The following EFCC1 variants were observed in gnomAD, a reference collection of about 807,000 sequenced individuals.
EFCC1 encodes EF-hand and coiled-coil domain containing 1.
Under a neutral mutation model 52.1 loss-of-function variants are expected in EFCC1, and 50 were observed. That is an observed-to-expected ratio of 0.96 (90% CI 0.76 to 1.21). The LOEUF (loss-of-function observed/expected upper bound fraction) is 1.21. Among genes scored for constraint, EFCC1 ranks in the 50% most tolerant of loss-of-function variants. The pLI is 0.00. For missense variants in EFCC1, 837 were observed against 867.3 expected (o/e 0.97, Z 0.44); for synonymous variants, 399 against 396.5 (o/e 1.01, Z -0.08).
intron 2 of EFCC1, among the ~76,000 whole-genome samples, chr3:129,006,792 C>G (rs1228116140): frequency 6.6e-6 from 1 of 152,172 alleles, no homozygotes; most frequent in African/African-American, 2.4e-5. Context: ...AGAAACATGC[C>G]TTCAACCCTA....
rs186991071 is a variant in EFCC1, at chr3:129,021,635, G to A, written c.981-9068G>A. 7.9e-4 allele frequency among the ~76,000 whole-genome samples: 120 copies of A among 152,226 alleles called. 1 individual carries two copies. The highest frequency in any genetic ancestry group is 3.4e-3 in the Middle Eastern group (1 of 294). ...CCTTATGCTTGTACTGTGAGTCTGCGCGGGTATCTGTCTATTTATCAATCC... is the reference window on the plus strand; with the variant it reads ...CCTTATGCTTGTACTGTGAGTCTGCACGGGTATCTGTCTATTTATCAATCC... On this transcript the variant is annotated intron_variant, in intron 2 of 7. Transcript: ENST00000683648.
In EFCC1 at chr3:129,002,003, C is replaced by G; in HGVS notation, c.375C>G (p.Thr125=). The change falls in exon 1 of 8, where the codon ACC becomes ACG. Residue 125 remains threonine, a synonymous_variant. Transcript: ENST00000683648. ...TGGCCACGGACGGGGACTCAGATAC[C>G]GATGAAGAGGCGCGCCTGGCGCTGC... ...AELATDGDSD[T]DEEARLALRA... The G allele has an allele frequency of 6.5e-7, 1 of 1,545,848 alleles. No homozygotes were observed. Among genetic ancestry groups the G allele is most frequent in the Non-Finnish European group, 8.7e-7 (1 of 1,145,200 alleles).
In EFCC1 at chr3:129,030,702, G is replaced by A; in HGVS notation, c.981-1G>A. 6.4e-7 allele frequency: 1 copy of A among 1,551,334 alleles called. No homozygotes were observed. Among genetic ancestry groups the A allele is most frequent in the Non-Finnish European group, 8.7e-7 (1 of 1,146,796 alleles). On this transcript the variant is annotated splice_acceptor_variant, in intron 2 of 7. Coordinates refer to ENST00000683648, the MANE Select transcript of EFCC1 (RefSeq NM_001377500.1). LOFTEE classifies it high-confidence loss of function. The stretch of plus-strand genomic sequence containing the variant: ...TGCCTGTGTCTCTCCCACGGCTGCA[G>A]GTCAGAGGATTCCCAGCTCCCAACC...
chr3:129,032,674 G>T, intron 3 of EFCC1, 145 bp from the exon 4 acceptor site: 2 of 1,254,762 alleles, frequency 1.6e-6, no homozygotes, highest in Non-Finnish European at 2.2e-6. Context: ...CACTGCACAG[G>T]AGCCTGGGAT....
intron 2 of EFCC1, among the ~76,000 whole-genome samples, chr3:129,029,216 T>C (rs958690438): frequency 1.3e-5 from 2 of 152,204 alleles, no homozygotes; most frequent in Non-Finnish European, 2.9e-5. Flanking sequence ...TAGTATAAAG[T>C]GGCCAGTTTA....
chr3:129,015,329 T>C (rs1445186130), intron 2 of EFCC1, among the ~76,000 whole-genome samples: 3 of 152,168 alleles, frequency 2.0e-5, no homozygotes, highest in Non-Finnish European at 4.4e-5. Context: ...CCCACCTCCA[T>C]CTACAGCCTC....
At chr3:129,021,985 G>A (rs1319911017) in intron 2 of EFCC1, among the ~76,000 whole-genome samples, 1 of 152,184 alleles carries the variant, frequency 6.6e-6, no homozygotes, top group African/African-American at 2.4e-5. Flanking sequence ...GTGTGTTAGG[G>A]TTGGGGTCCT....
rs184242882 is a variant in EFCC1, at chr3:129,011,676, C to T, written c.980+7599C>T. On this transcript the variant is annotated intron_variant, in intron 2 of 7. Transcript: ENST00000683648. ...AGCAAGGAGGCAGAGGAGGAGGAGC[C>T]GTGGGCTCTCTGTCGAGGTGGCTGA... Among the ~76,000 whole-genome samples, 4 of 152,218 alleles carry T rather than the reference C, an allele frequency of 2.6e-5. No homozygotes were observed. The East Asian group carries it at 5.8e-4, about 22-fold the overall frequency.
chr3:129,020,224 A>T (rs560203671), intron 2 of EFCC1, among the ~76,000 whole-genome samples: 41 of 152,342 alleles, frequency 2.7e-4, no homozygotes, highest in Admixed American at 1.0e-3. Flanking sequence ...AACAAGCAGG[A>T]AGCTGTAAAC....
chr3:129,002,037 C>A lies in EFCC1; in HGVS notation c.409C>A (p.Pro137Thr). Residue 137 changes from proline to threonine, a missense_variant, in exon 1 of 8, where the codon CCG becomes ACG. Pro to Thr is a conservative substitution (Grantham distance 38, BLOSUM62 -1). Coordinates refer to ENST00000683648, the MANE Select transcript of EFCC1 (RefSeq NM_001377500.1). ...GGCGCGCCTGGCGCTGCGCGCCGAG[C>A]CGCCGGAGCTCACCTTCCGCCAGTT... ...EEARLALRAE[P>T]PELTFRQFHA... The A allele has an allele frequency of 6.5e-7, 1 of 1,543,838 alleles. No homozygotes were observed. Among genetic ancestry groups the A allele is most frequent in the Non-Finnish European group, 8.7e-7 (1 of 1,144,504 alleles).
intron 2 of EFCC1, among the ~76,000 whole-genome samples, chr3:129,009,103 C>T: frequency 6.6e-6 from 1 of 152,212 alleles, no homozygotes; most frequent in East Asian, 1.9e-4. Flanking sequence ...TCAATCCCTG[C>T]CCAACCAAGG....
At chr3:129,021,108 G>A (rs536646133) in intron 2 of EFCC1, among the ~76,000 whole-genome samples, 49 of 152,302 alleles carry the variant, frequency 3.2e-4, no homozygotes, top group African/African-American at 1.1e-3. Flanking sequence ...GAGGGGCCCT[G>A]CCAGGGAAAC....
Position 129,040,011 on chromosome 3 carries a change from C to A in EFCC1, c.*163C>A. ...GGTTAAGCCCGAGCCCAGAGCCTCC[C>A]ATTGCAGCACCTGGCAGCCACCCCT... On this transcript the variant is annotated 3_prime_UTR_variant, in exon 8 of 8. Coordinates refer to ENST00000683648, the MANE Select transcript of EFCC1 (RefSeq NM_001377500.1). This position sits in a 1 kb window ranked among gnomAD's most constrained non-coding sequence, Gnocchi z 4.4. The A allele has an allele frequency of 1.1e-6, 1 of 916,664 alleles. No homozygotes were observed. Among genetic ancestry groups the A allele is most frequent in the South Asian group, 2.4e-5 (1 of 41,958 alleles). 56.8% of individuals were successfully genotyped at this position (916,664 alleles called of 1,614,324 possible). A position where few individuals can be genotyped will look rare whatever the true frequency, so the allele number is the denominator to read the frequency against.
intron 5 of EFCC1, among the ~76,000 whole-genome samples, chr3:129,036,375 G>T (rs569984444): frequency 1.3e-5 from 2 of 152,200 alleles, no homozygotes; most frequent in African/African-American, 4.8e-5. Flanking sequence ...GGAATGCCTC[G>T]TGCCTGGCAT....
At position 129,040,003 on chromosome 3, in the gene EFCC1, G is replaced by A; in HGVS notation, c.*155G>A. 1.9e-6 allele frequency: 2 copies of A among 1,054,408 alleles called. No homozygotes were observed. Among genetic ancestry groups the A allele is most frequent in the Non-Finnish European group, 1.3e-6 (1 of 782,518 alleles). The allele number at this position is 1,054,408 out of a possible 1,614,324, so 65.3% of individuals were successfully genotyped here. ...CCTTCCAAGGTTAAGCCCGAGCCCA[G>A]AGCCTCCCATTGCAGCACCTGGCAG... On this transcript the variant is annotated 3_prime_UTR_variant, in exon 8 of 8. Transcript: ENST00000683648. The surrounding 1 kb of genome is among the most constrained non-coding windows in gnomAD (Gnocchi z 4.4).
intron 2 of EFCC1, among the ~76,000 whole-genome samples, chr3:129,012,538 C>T (rs1365289087): frequency 1.3e-5 from 2 of 152,186 alleles, no homozygotes; most frequent in Non-Finnish European, 2.9e-5. Flanking sequence ...TGCTTCCCAG[C>T]ACCTGTAGAT....
intron 5 of EFCC1, among the ~76,000 whole-genome samples, chr3:129,036,135 TAAAC>T (rs1178010727): frequency 6.6e-6 from 1 of 152,162 alleles, no homozygotes; most frequent in African/African-American, 2.4e-5. Context: ...CATCAGGAAA[TAAAC>T]TGGCAGTCAC....
chr3:129,006,787 C>T (rs192542979), intron 2 of EFCC1, among the ~76,000 whole-genome samples: 146 of 152,290 alleles, frequency 9.6e-4, no homozygotes, highest in East Asian at 2.9e-3. Flanking sequence ...CCTCTAGAAA[C>T]ATGCCTTCAA....
chr3:129,003,994 G>A lies in EFCC1; in HGVS notation c.897G>A (p.Val299=), dbSNP rs1323855713. 4 of 1,502,116 alleles carry A rather than the reference G, an allele frequency of 2.7e-6. No individual in the cohort carries two copies. Among genetic ancestry groups the A allele is most frequent in the Non-Finnish European group, 3.5e-6 (4 of 1,133,102 alleles). The allele number at this position is 1,502,116 out of a possible 1,614,324, so 93.0% of individuals were successfully genotyped here. A position where few individuals can be genotyped will look rare whatever the true frequency, so the allele number is the denominator to read the frequency against. The change falls in exon 2 of 8, where the codon GTG becomes GTA. Residue 299 remains valine (V), a synonymous_variant. Transcript: ENST00000683648. ...RQVVLRSLHR[V]RELEALAQQV... is the part of the protein sequence containing the mutation. ...TGGTGCTGCGCAGCCTGCACCGCGTGCGAGAGCTGGAGGCGCTGGCGCAAC... is the reference window on the plus strand; with the variant it reads ...TGGTGCTGCGCAGCCTGCACCGCGTACGAGAGCTGGAGGCGCTGGCGCAAC...
Sources: gnomAD v4.1 joint callset for allele counts (sites outside exome capture counted in the v4.1 genomes callset) on GRCh38, gnomAD v4.1.1 for gene constraint, Gnocchi (gnomAD v3.1) non-coding constraint, MANE v1.5 for transcripts, NCBI Gene and HGNC (gene_info 2026-07-23, HGNC 2026-07-21) for gene names.